Variants in NAV2 observed in about 807,000 individuals in gnomAD.
The protein encoded by NAV2 is neuron navigator 2.
In NAV2, 54 loss-of-function variants were observed where a neutral mutation model predicts 223.2. That is an observed-to-expected ratio of 0.24 (90% CI 0.19 to 0.30). NAV2 has a LOEUF of 0.30. NAV2 is among the 10% of genes least tolerant of loss of function. NAV2 has a pLI of 1.00. For synonymous variants in NAV2, 1,279 were observed against 1,239.3 expected, an observed-to-expected ratio of 1.03 and a Z score of -0.67; for missense variants, 2,806 against 3,147.5, an observed-to-expected ratio of 0.89 and a Z score of 2.60.
chr11:19,345,392 G>T, the NAV2 span, among the ~76,000 whole-genome samples: 1 of 152,210 alleles, frequency 6.6e-6, no homozygotes, highest in Admixed American at 6.5e-5. This position sits in a 1 kb window ranked among gnomAD's most constrained non-coding sequence, Gnocchi z 5.2. Flanking sequence ...GAAAGTTTGC[G>T]GTGCAACTGG....
intron 1 of NAV2, among the ~76,000 whole-genome samples, chr11:19,828,832 G>A (rs2059788872): frequency 6.6e-6 from 1 of 152,198 alleles, no homozygotes; most frequent in South Asian, 2.1e-4. Flanking sequence ...TGGTGTGTAG[G>A]TAAATCAAAG....
At chr11:19,761,624 C>A (rs1296836895) in intron 1 of NAV2, among the ~76,000 whole-genome samples, 1 of 152,182 alleles carries the variant, frequency 6.6e-6, no homozygotes, top group Non-Finnish European at 1.5e-5. Context: ...GAGTTCGTGG[C>A]TGTTTCAGCT....
chr11:19,414,300 C>T (rs1376855982), intron 1 of NAV2, among the ~76,000 whole-genome samples: 2 of 152,134 alleles, frequency 1.3e-5, no homozygotes, highest in Non-Finnish European at 2.9e-5. Flanking sequence ...AATCCTAGTT[C>T]TCTGATAAAA....
At chr11:19,543,352 C>T (rs1028004482) in intron 1 of NAV2, among the ~76,000 whole-genome samples, 1 of 152,144 alleles carries the variant, frequency 6.6e-6, no homozygotes, top group African/African-American at 2.4e-5. Flanking sequence ...GGAACTAGGG[C>T]TTGAACTGCC....
chr11:20,014,402 T>C (rs1371059740), intron 11 of NAV2, among the ~76,000 whole-genome samples: 1 of 152,198 alleles, frequency 6.6e-6, no homozygotes, highest in Non-Finnish European at 1.5e-5. Context: ...GCACCCTTAA[T>C]AAAATATAGA....
intron 11 of NAV2, among the ~76,000 whole-genome samples, chr11:20,016,838 CAAAAA>C (rs34115097): frequency 0.78 from 114,099 of 145,530 alleles, 44,671 homozygotes; most frequent in Middle Eastern, 0.86. Flanking sequence ...TACTAAAATA[CAAAAA>C]AAAAAAAAAA....
chr11:19,803,555 A>G (rs1033884338), intron 1 of NAV2, among the ~76,000 whole-genome samples: 1 of 152,222 alleles, frequency 6.6e-6, no homozygotes, highest in Non-Finnish European at 1.5e-5. Context: ...GCAAAATGGA[A>G]TTAGTCATCC....
chr11:19,827,964 G>T (rs548586920), intron 1 of NAV2, among the ~76,000 whole-genome samples: 148 of 147,130 alleles, frequency 1.0e-3, no homozygotes, highest in African/African-American at 3.5e-3. Flanking sequence ...CTACCAAGGG[G>T]AGGAAGGGGA....
intron 1 of NAV2, among the ~76,000 whole-genome samples, chr11:19,827,723 T>A (rs1174701297): frequency 6.6e-6 from 1 of 150,780 alleles, no homozygotes; most frequent in Admixed American, 6.6e-5. Flanking sequence ...TTTTTAATTT[T>A]AAAAAATTGT....
chr11:19,931,338 C>T (rs1222494742), intron 6 of NAV2, among the ~76,000 whole-genome samples: 2 of 152,152 alleles, frequency 1.3e-5, no homozygotes, highest in Non-Finnish European at 2.9e-5. Flanking sequence ...AAACCCAAAT[C>T]CCCAGTAAGT....
At chr11:19,359,738 G>T (rs77945205) in intron 1 of NAV2, among the ~76,000 whole-genome samples, 4 of 152,180 alleles carry the variant, frequency 2.6e-5, no homozygotes, top group Non-Finnish European at 4.4e-5. Context: ...TGAGCAAGGA[G>T]ACGCTAATTA....
intron 1 of NAV2, among the ~76,000 whole-genome samples, chr11:19,786,370 T>C (rs560765994): frequency 6.6e-6 from 1 of 152,336 alleles, no homozygotes; most frequent in South Asian, 2.1e-4. Context: ...GTCTCCATCA[T>C]TTTTGTATCC....
chr11:19,756,240 G>C (rs1229835780), intron 1 of NAV2, among the ~76,000 whole-genome samples: 1 of 152,112 alleles, frequency 6.6e-6, no homozygotes, highest in Non-Finnish European at 1.5e-5. Context: ...GTCATTCTAA[G>C]GGTATGCTTA....
intron 26 of NAV2, 146 bp downstream of exon 26, chr11:20,083,325 CT>C: frequency 1.7e-6 from 1 of 604,922 alleles, no homozygotes; most frequent in Non-Finnish European, 2.7e-6. Context: ...TCTTTCAATG[CT>C]TTAGGACTGG....
In NAV2 at chr11:20,045,592, A is replaced by T. The variant is rs1473194112; in HGVS notation, c.3824A>T (p.Gln1275Leu). Residue 1275 changes from glutamine (Q) to leucine (L), a missense_variant, in exon 14 of 38, where the codon CAG becomes CTG. Physicochemically the swap from Gln to Leu is moderately radical, Grantham distance 113. This residue lies in a region of NAV2 where 742 missense variants were observed against 777.9 expected (regional missense o/e 0.95). Transcript: ENST00000349880. ...TCGGTGAAAGTGAATCCGGCAGCCC[A>T]GCCTGTGTCCAGTCCGGCTCAGACC... The part of the protein sequence containing the change: ...CNSVKVNPAA[Q>L]PVSSPAQTSL... 5.6e-6 allele frequency: 9 copies of T among 1,614,112 alleles called. No homozygotes were observed. In the South Asian group the frequency reaches 9.9e-5, roughly 18 times the overall value.
Position 20,044,283 on chromosome 11 carries a change from G to A in NAV2, c.3199+11G>A, listed in dbSNP as rs370083550. The A allele has an allele frequency of 6.1e-5, 98 of 1,599,484 alleles. No homozygotes were observed. Among genetic ancestry groups the A allele is most frequent in the African/African-American group, 5.8e-4 (43 of 74,710 alleles). On this transcript the variant is annotated intron_variant, in intron 13 of 37. Coordinates refer to ENST00000349880, the MANE Select transcript of NAV2 (RefSeq NM_145117.5). Reference sequence around the variant, plus strand: ...AGACCCCAGGAACTGGTAAGAGGCCGGGGCTGTCTTGGCCCTACAGTTGAC... The same window carrying A: ...AGACCCCAGGAACTGGTAAGAGGCCAGGGCTGTCTTGGCCCTACAGTTGAC...
intron 1 of NAV2, among the ~76,000 whole-genome samples, chr11:19,592,776 A>G (rs984926134): frequency 6.6e-6 from 1 of 152,212 alleles, no homozygotes; most frequent in Non-Finnish European, 1.5e-5. Context: ...ATGAGAGCTG[A>G]TATTGACTAA....
At chr11:19,648,333 G>C (rs1489564511) in intron 1 of NAV2, among the ~76,000 whole-genome samples, 3 of 152,192 alleles carry the variant, frequency 2.0e-5, no homozygotes, top group Non-Finnish European at 2.9e-5. Flanking sequence ...GCCACATTCA[G>C]TGGTGCCATG....
chr11:19,899,094 G>A (rs1396417976), intron 6 of NAV2, among the ~76,000 whole-genome samples: 2 of 152,118 alleles, frequency 1.3e-5, no homozygotes, highest in Non-Finnish European at 2.9e-5. Flanking sequence ...AGTTGGCGCT[G>A]GCTATTGCAC....
Sources: gnomAD v4.1 joint callset for allele counts (sites outside exome capture counted in the v4.1 genomes callset) on GRCh38, gnomAD v4.1.1 for gene constraint, gnomAD v4.1.1 regional missense constraint, Gnocchi (gnomAD v3.1) non-coding constraint, MANE v1.5 for transcripts, NCBI Gene and HGNC (gene_info 2026-07-23, HGNC 2026-07-21) for gene names.